Variants in DNAH3 observed in about 807,000 individuals in gnomAD.
DNAH3 encodes the protein dynein axonemal heavy chain 3, also known as axonemal beta dynein heavy chain 3.
Under a neutral mutation model 432.5 loss-of-function variants are expected in DNAH3, and 332 were observed. That is an observed-to-expected ratio of 0.77 (90% CI 0.70 to 0.84). The LOEUF (loss-of-function observed/expected upper bound fraction) is 0.84. DNAH3 is among the 40% of genes least tolerant of loss of function. The pLI is 0.00. For synonymous variants in DNAH3, 1,956 were observed against 1,900.2 expected (o/e 1.03, Z -0.76); for missense variants, 4,861 against 5,114.0 (o/e 0.95, Z 1.51).
rs1597207816 is a variant in DNAH3 at position 21,037,656 on chromosome 16, A to G, written c.4950+105T>C. 10 of 973,430 alleles carry G rather than the reference A, an allele frequency of 1.0e-5. No homozygotes were observed. In the South Asian group the frequency reaches 1.4e-4, roughly 14 times the overall value. 60.3% of individuals were successfully genotyped at this position (973,430 alleles called of 1,614,324 possible). ...GTATCAGGTGGCAGAGATGCTGGCC[A>G]AAGAATGGAAGATGGAAGAGGGTAT... On this transcript the variant is annotated intron_variant, in intron 34 of 61. Coordinates refer to ENST00000261383, the Ensembl canonical transcript of DNAH3.
At position 21,069,475 on chromosome 16, in the gene DNAH3, T is replaced by TA. The variant is rs779776133; in HGVS notation, c.3320_3321insT (p.Glu1108ArgfsTer10). The TA allele has an allele frequency of 1.2e-6, 2 of 1,614,206 alleles. No individual in the cohort carries two copies. The highest frequency in any genetic ancestry group is 1.7e-6 in the Non-Finnish European group (2 of 1,180,038). ...CAATGCCAAATTTCCTCCCCTCTTC[T>TA]GGCATCTGGGCTATGATGTCCTCTG... On this transcript the variant is annotated frameshift_variant, in exon 23 of 62. Coordinates refer to ENST00000261383, the Ensembl canonical transcript of DNAH3. LOFTEE classifies it high-confidence loss of function.
intron 16 of DNAH3, among the ~76,000 whole-genome samples, chr16:21,099,763 T>C (rs368935369): frequency 4.6e-5 from 7 of 152,344 alleles, no homozygotes; most frequent in African/African-American, 1.7e-4. Flanking sequence ...AGTCAATACA[T>C]AAGTGTTTGC....
chr16:21,108,846 G>T (rs541990260), intron 14 of DNAH3, among the ~76,000 whole-genome samples: 1 of 152,292 alleles, frequency 6.6e-6, no homozygotes, highest in East Asian at 1.9e-4. Context: ...TACAGGCTGG[G>T]TGCGGTGGCT....
intron 7 of DNAH3, among the ~76,000 whole-genome samples, chr16:21,130,587 G>C (rs1161760234): frequency 2.6e-5 from 4 of 152,158 alleles, no homozygotes; most frequent in Non-Finnish European, 5.9e-5. Context: ...TTACAGGCAT[G>C]AGCCACCACG....
intron 59 of DNAH3, among the ~76,000 whole-genome samples, chr16:20,938,992 T>C (rs1441803333): frequency 6.6e-6 from 1 of 152,130 alleles, no homozygotes; most frequent in Admixed American, 6.5e-5. Context: ...CTCCAACTCC[T>C]GAGCAATCTG....
At chr16:21,131,433 A>C (rs931848965) in intron 7 of DNAH3, among the ~76,000 whole-genome samples, 3 of 136,332 alleles carry the variant, frequency 2.2e-5, no homozygotes, top group Non-Finnish European at 4.7e-5. Flanking sequence ...GAAGAAAAGA[A>C]AGGAAGAAAG....
intron 60 of DNAH3, 114 bp from the exon 61 acceptor site, chr16:20,935,599 C>T (rs913746405): frequency 2.5e-6 from 3 of 1,195,920 alleles, no homozygotes; most frequent in East Asian, 2.7e-5. Context: ...TTTCTTGAAA[C>T]AGCCCTCTTG....
intron 22 of DNAH3, 102 bp from the exon 23 acceptor site, chr16:21,069,696 T>G: frequency 2.0e-6 from 2 of 1,025,484 alleles, no homozygotes; most frequent in Non-Finnish European, 2.9e-6. Flanking sequence ...ATTCATTCAT[T>G]CAGTCTGTCA....
At chr16:21,019,996 ATC>A in intron 40 of DNAH3, 127 bp from the exon 41 acceptor site, 1 of 1,004,516 alleles carries the variant, frequency 1.0e-6, no homozygotes, top group Non-Finnish European at 1.5e-6. Context: ...CAGAGTGCCT[ATC>A]ACCTACCAGA....
intron 28 of DNAH3, among the ~76,000 whole-genome samples, chr16:21,053,264 C>A (rs946623095): frequency 2.6e-4 from 39 of 152,126 alleles, no homozygotes; most frequent in African/African-American, 9.4e-4. Context: ...GCTTTTTCTT[C>A]CTTCCCAAGG....
intron 24 of DNAH3, among the ~76,000 whole-genome samples, chr16:21,066,505 C>A (rs2090555616): frequency 6.6e-6 from 1 of 152,054 alleles, no homozygotes; most frequent in Non-Finnish European, 1.5e-5. Context: ...GTAGCTGGGA[C>A]CATGGGCAAA....
intron 59 of DNAH3, among the ~76,000 whole-genome samples, chr16:20,938,957 G>A (rs1207729422): frequency 6.6e-6 from 1 of 152,070 alleles, no homozygotes; most frequent in East Asian, 1.9e-4. Context: ...TAGAGATGGG[G>A]TTTTGCCATG....
chr16:20,975,643 T>G (rs1567562559), intron 50 of DNAH3, among the ~76,000 whole-genome samples: 1 of 152,238 alleles, frequency 6.6e-6, no homozygotes, highest in Non-Finnish European at 1.5e-5. Flanking sequence ...TGCTAGGCAC[T>G]AGACATATAA....
chr16:21,134,274 T>G (rs1435265033), exon 7 of DNAH3: 1 of 1,611,144 alleles, frequency 6.2e-7, no homozygotes, highest in Non-Finnish European at 8.5e-7. Context: ...AAACCACAGT[T>G]CTTTCAGCCT....
exon 45 of DNAH3, chr16:20,987,958 C>A: frequency 6.2e-7 from 1 of 1,614,188 alleles, no homozygotes; most frequent in Non-Finnish European, 8.5e-7. Context: ...AACATCACAT[C>A]AAACCCTTTC....
At chr16:21,086,779 G>T in intron 19 of DNAH3, 70 bp downstream of exon 19, 1 of 1,379,418 alleles carries the variant, frequency 7.2e-7, no homozygotes, top group Non-Finnish European at 1.0e-6. Flanking sequence ...AATGTTTCCT[G>T]CCTTCCCAAG....
At chr16:20,961,765 T>G (rs923183575) in intron 53 of DNAH3, among the ~76,000 whole-genome samples, 4 of 148,406 alleles carry the variant, frequency 2.7e-5, no homozygotes, top group African/African-American at 7.4e-5. Context: ...TGGTTTTTTT[T>G]TTTTTTTTTT....
intron 24 of DNAH3, among the ~76,000 whole-genome samples, chr16:21,064,400 C>T (rs1567726395): frequency 6.6e-6 from 1 of 152,194 alleles, no homozygotes; most frequent in East Asian, 1.9e-4. Context: ...CCAAGCCCAG[C>T]TCAATCTGCC....
At chr16:21,037,030 TG>T (rs2089205714) in intron 34 of DNAH3, among the ~76,000 whole-genome samples, 182 bp from the exon 35 acceptor site, 2 of 152,206 alleles carry the variant, frequency 1.3e-5, no homozygotes, top group South Asian at 4.1e-4. Context: ...ACATAATTTC[TG>T]GCTAGGCCAG....
Sources: gnomAD v4.1 joint callset for allele counts (sites outside exome capture counted in the v4.1 genomes callset) on GRCh38, gnomAD v4.1.1 for gene constraint, MANE v1.5 for transcripts, NCBI Gene and HGNC (gene_info 2026-07-23, HGNC 2026-07-21) for gene names.